PGM1: variants seen among roughly 807,000 people sequenced by gnomAD.
The protein encoded by PGM1 is phosphoglucomutase-1.
A neutral mutation model predicts 55.6 loss-of-function variants in PGM1; 52 were observed. The observed-to-expected ratio is 0.94, with a 90% confidence interval of 0.75 to 1.18. The LOEUF (loss-of-function observed/expected upper bound fraction) is 1.18. Ranked by LOEUF, PGM1 falls within the 50% of genes most tolerant of loss-of-function variation. The pLI, the probability that PGM1 is intolerant of heterozygous loss-of-function variation, is 0.00. For synonymous variants in PGM1, 287 were observed against 271.7 expected, an observed-to-expected ratio of 1.06 and a Z score of -0.55; for missense variants, 724 against 729.3, an observed-to-expected ratio of 0.99 and a Z score of 0.08.
intron 1 of PGM1, among the ~76,000 whole-genome samples, chr1:63,608,996 A>T (rs1178040505): frequency 6.6e-6 from 1 of 152,218 alleles, no homozygotes; most frequent in African/African-American, 2.4e-5. Flanking sequence ...GATTATTATG[A>T]TTATTCCAAA....
intron 1 of PGM1, 87 bp from the exon 2 acceptor site, chr1:63,629,338 C>A: frequency 1.9e-6 from 2 of 1,079,388 alleles, no homozygotes; most frequent in Non-Finnish European, 2.9e-6. Context: ...TTTTTTTGTC[C>A]ATCTGCCTGT....
intron 7 of PGM1, among the ~76,000 whole-genome samples, chr1:63,646,710 T>C (rs1649654016): frequency 6.6e-6 from 1 of 152,168 alleles, no homozygotes; most frequent in South Asian, 2.1e-4. Flanking sequence ...CACTTGTGGA[T>C]TTTTACACCT....
chr1:63,599,407 G>A (rs1316556507), intron 1 of PGM1, among the ~76,000 whole-genome samples: 9 of 151,534 alleles, frequency 5.9e-5, no homozygotes, highest in African/African-American at 1.9e-4. Context: ...CTCATCATCC[G>A]CCCGCCTCGG....
Position 63,629,585 on chromosome 1 carries a change from G to C in PGM1, c.407G>C (p.Gly136Ala). Reference protein sequence around the residue: ...DFGIKFNISNGGPAPEAITDK... With the variant: ...DFGIKFNISNAGPAPEAITDK... ...GGAATCAAATTCAATATTTCTAATGGAGGTGAGTTTGCTGTCATTTTGAGG... is the reference window on the plus strand; with the variant it reads ...GGAATCAAATTCAATATTTCTAATGCAGGTGAGTTTGCTGTCATTTTGAGG... Residue 136 changes from glycine (G) to alanine (A), a missense_variant and splice_region_variant, in exon 2 of 11, where the codon GGA becomes GCA. Around this residue, in one of 3 missense-constraint regions of PGM1, gnomAD observed 379 missense variants for 357.5 expected, o/e 1.06. Transcript: ENST00000371084. The C allele has an allele frequency of 6.2e-7, 1 of 1,613,638 alleles. No homozygotes were observed. The highest frequency in any genetic ancestry group is 8.5e-7 in the Non-Finnish European group (1 of 1,179,664).
At chr1:63,627,542 T>C (rs188284978) in intron 1 of PGM1, among the ~76,000 whole-genome samples, 5 of 152,184 alleles carry the variant, frequency 3.3e-5, no homozygotes, top group African/African-American at 9.6e-5. Flanking sequence ...GAAGGGGAGT[T>C]CTTCCACCAG....
chr1:63,629,693 G>A (rs1329568388), intron 2 of PGM1, 106 bp downstream of exon 2: 2 of 1,150,100 alleles, frequency 1.7e-6, no homozygotes, highest in Non-Finnish European at 2.6e-6. Context: ...CTTTGCAGGG[G>A]GTAGGGAGGT....
intron 7 of PGM1, among the ~76,000 whole-genome samples, chr1:63,647,862 G>C (rs1462714474): frequency 6.6e-6 from 1 of 152,116 alleles, no homozygotes; most frequent in Non-Finnish European, 1.5e-5. Context: ...GATCTATTGT[G>C]TTTTCTCTTC....
chr1:63,646,981 G>A (rs1378875321), intron 7 of PGM1, among the ~76,000 whole-genome samples: 1 of 151,810 alleles, frequency 6.6e-6, no homozygotes, highest in Non-Finnish European at 1.5e-5. Flanking sequence ...GGTGGCTCAC[G>A]CCTGTAATCC....
chr1:63,650,030 C>G (rs191850824), intron 8 of PGM1, among the ~76,000 whole-genome samples: 4 of 152,148 alleles, frequency 2.6e-5, no homozygotes, highest in African/African-American at 9.7e-5. Context: ...AAGGGTCACA[C>G]CCTTGAATTA....
At chr1:63,654,191 C>G in intron 9 of PGM1, 141 bp from the exon 10 acceptor site, 1 of 824,296 alleles carries the variant, frequency 1.2e-6, no homozygotes, top group Admixed American at 1.8e-5. Flanking sequence ...TCACAAGGTG[C>G]AGCTGCTGCC....
intron 10 of PGM1, among the ~76,000 whole-genome samples, chr1:63,655,067 C>T (rs1417489101): frequency 3.3e-5 from 5 of 151,228 alleles, no homozygotes; most frequent in African/African-American, 1.2e-4. Context: ...CTTCTGGGCT[C>T]AAGCAATCCT....
intron 1 of PGM1, among the ~76,000 whole-genome samples, chr1:63,606,122 A>G (rs1340414534): frequency 6.6e-6 from 1 of 152,196 alleles, no homozygotes; most frequent in African/African-American, 2.4e-5. Flanking sequence ...TTGTAGCAAG[A>G]GGTAGTTGAC....
intron 1 of PGM1, among the ~76,000 whole-genome samples, chr1:63,594,788 C>CAAAAAAAAAAAAA (rs34661751): frequency 2.2e-5 from 2 of 90,526 alleles, no homozygotes; most frequent in Non-Finnish European, 4.2e-5. Context: ...CTAAAAAATA[C>CAAAAAAAAAAAAA]AAAAAAAAAA....
intron 7 of PGM1, among the ~76,000 whole-genome samples, chr1:63,645,453 T>C (rs1234575093): frequency 1.3e-5 from 2 of 152,192 alleles, no homozygotes; most frequent in Non-Finnish European, 2.9e-5. Context: ...TTCCAAGCTG[T>C]ATATGCTGTC....
Position 63,630,093 on chromosome 1 carries a change from G to A in PGM1, c.556+5G>A. ...ATAAGTTCAAACCCTTCACAGGCAT[G>A]TTTACTTTCCTCCTCTTTCTGCCCA... On this transcript the variant is annotated splice_donor_5th_base_variant and intron_variant, in intron 3 of 10. Coordinates refer to ENST00000371084, the MANE Select transcript of PGM1 (RefSeq NM_002633.3). 1 of 1,613,820 alleles carries A rather than the reference G, an allele frequency of 6.2e-7. No homozygotes were observed. The highest frequency in any genetic ancestry group is 1.3e-5 in the African/African-American group (1 of 75,024).
rs201001037 is a variant in PGM1, at chr1:63,623,442, C to G, written c.247-5983C>G. On this transcript the variant is annotated intron_variant, in intron 1 of 10. Coordinates refer to ENST00000371084, the MANE Select transcript of PGM1 (RefSeq NM_002633.3). ...TGCTTTCTGGACACCCTCACTGAGC[C>G]AGTCGGTGGAAGTGAAGGATGAGTG... is the stretch of plus-strand genomic sequence containing the variant. The G allele has an allele frequency of 3.2e-5, 52 of 1,607,550 alleles. No individual in the cohort carries two copies. The East Asian group carries it at 1.1e-3, about 35-fold the overall frequency.
intron 1 of PGM1, among the ~76,000 whole-genome samples, chr1:63,606,159 A>G (rs780371559): frequency 1.6e-4 from 25 of 152,210 alleles, no homozygotes; most frequent in Non-Finnish European, 2.6e-4. Flanking sequence ...AATTCTGCCA[A>G]CCATTTGTCT....
chr1:63,625,842 G>T (rs566719337), intron 1 of PGM1, among the ~76,000 whole-genome samples: 1 of 151,838 alleles, frequency 6.6e-6, no homozygotes, highest in African/African-American at 2.4e-5. Context: ...AGATATTGAC[G>T]GGCCCCTTTT....
intron 1 of PGM1, among the ~76,000 whole-genome samples, chr1:63,602,905 A>C (rs1183817718): frequency 6.6e-6 from 1 of 152,154 alleles, no homozygotes; most frequent in Non-Finnish European, 1.5e-5. Context: ...TGCTGTCAGC[A>C]CTGGGATGGA....
Sources: allele counts gnomAD v4.1 joint callset (sites outside exome capture counted in the v4.1 genomes callset), GRCh38; gene constraint gnomAD v4.1.1; regional missense constraint gnomAD v4.1.1; transcripts MANE v1.5; gene names NCBI Gene and HGNC (gene_info 2026-07-23, HGNC 2026-07-21).